The following MEGF11 variants were observed in gnomAD, a reference collection of about 807,000 sequenced individuals.
The protein encoded by MEGF11 is multiple epidermal growth factor-like domains protein 11.
In MEGF11, 126 loss-of-function variants were observed where a neutral mutation model predicts 146.6. The observed-to-expected ratio is 0.86, with a 90% CI of 0.74 to 1.00. The LOEUF is 1.00. MEGF11 is among the 50% of genes least tolerant of loss of function. The pLI is 0.00. For missense variants in MEGF11, 1,509 were observed against 1,521.2 expected (o/e 0.99, Z 0.13); for synonymous variants, 532 against 583.4 (o/e 0.91, Z 1.27).
chr15:66,014,829 G>A (rs1414522526), intron 5 of MEGF11, among the ~76,000 whole-genome samples: 1 of 152,148 alleles, frequency 6.6e-6, no homozygotes, highest in Non-Finnish European at 1.5e-5. Context: ...GAATTATGAG[G>A]TCAGACAGCC....
In MEGF11 at chr15:65,928,520, G is replaced by T; in HGVS notation, c.1580C>A (p.Thr527Lys). 1.3e-6 allele frequency: 2 copies of T among 1,598,048 alleles called. No individual in the cohort carries two copies. Among genetic ancestry groups the T allele is most frequent in the Non-Finnish European group, 1.7e-6 (2 of 1,169,932 alleles). Residue 527 changes from threonine (T) to lysine (K), a missense_variant, in exon 13 of 26, where the codon ACA (threonine) becomes AAA (lysine). Physicochemically the swap from Thr to Lys is moderately conservative, Grantham distance 78 (BLOSUM62 -1). Transcript: ENST00000395614. ...DTCELPCPDG[T>K]FGLNCSEHCD... ...GTGTTCACTGCAGTTCAGCCCAAAT[G>T]TGCCATCCTGTGGAGAAGACAGGGA...
At chr15:66,015,263 G>A (rs1299387088) in intron 5 of MEGF11, among the ~76,000 whole-genome samples, 1 of 152,186 alleles carries the variant, frequency 6.6e-6, no homozygotes, top group South Asian at 2.1e-4. Flanking sequence ...ACTGGAATGA[G>A]CTTAGAGGTT....
chr15:66,153,182 C>T (rs912875704), intron 1 of MEGF11, among the ~76,000 whole-genome samples: 2 of 152,258 alleles, frequency 1.3e-5, no homozygotes, highest in African/African-American at 2.4e-5. Context: ...TAACAGAGCT[C>T]ACTTGGAGCC....
chr15:65,982,368 C>T lies in MEGF11; in HGVS notation c.515G>A (p.Cys172Tyr), dbSNP rs1433439080. ...GGTGCCAGGTGCGCAGAGCTCCTCG[C>T]AGCGCCATCCACGGAAGCCGGCGGC... ...VCAAGFRGWRCEELCAPGTHG... is the reference protein window; with the variant it reads ...VCAAGFRGWRYEELCAPGTHG... The change falls in exon 6 of 26, where the codon TGC becomes TAC. Residue 172 changes from cysteine to tyrosine, a missense_variant. Cys to Tyr is a radical substitution (Grantham distance 194). Transcript: ENST00000395614. This position sits in a 1 kb window ranked among gnomAD's most constrained non-coding sequence, Gnocchi z 5.6. 38 of 1,533,850 alleles carry T rather than the reference C, an allele frequency of 2.5e-5. No individual in the cohort carries two copies. Among genetic ancestry groups the T allele is most frequent in the Admixed American group, 9.9e-5 (5 of 50,642 alleles).
intron 16 of MEGF11, 130 bp downstream of exon 16, chr15:65,917,836 C>T (rs2079051261): frequency 1.9e-6 from 2 of 1,036,556 alleles, no homozygotes; most frequent in African/African-American, 1.6e-5. Context: ...AAATGGGGCT[C>T]ATTCCTACAT....
intron 21 of MEGF11, chr15:65,910,091 A>T: frequency 5.1e-6 from 3 of 583,032 alleles, no homozygotes; most frequent in Non-Finnish European, 6.5e-6. Context: ...CAGAGGAAGC[A>T]GATTAGCTGG....
intron 4 of MEGF11, among the ~76,000 whole-genome samples, chr15:66,097,264 G>A (rs934209839): frequency 7.2e-5 from 11 of 152,234 alleles, no homozygotes; most frequent in African/African-American, 2.7e-4. Context: ...ACCTGGTGGG[G>A]AGGGGCTGGG....
At chr15:66,082,056 A>T (rs1486249359) in intron 5 of MEGF11, among the ~76,000 whole-genome samples, 1 of 152,130 alleles carries the variant, frequency 6.6e-6, no homozygotes, top group Non-Finnish European at 1.5e-5. Flanking sequence ...TGTGAGAAAC[A>T]CTTTTCCGTG....
chr15:66,080,140 C>A (rs957058480), intron 5 of MEGF11, among the ~76,000 whole-genome samples: 1 of 152,286 alleles, frequency 6.6e-6, no homozygotes, highest in Non-Finnish European at 1.5e-5. Context: ...TCCTCCCCTG[C>A]GGCCCACAGC....
At chr15:66,164,577 A>G (rs1005571613) in intron 1 of MEGF11, among the ~76,000 whole-genome samples, 1 of 152,148 alleles carries the variant, frequency 6.6e-6, no homozygotes, top group African/African-American at 2.4e-5. Context: ...CTTTCTCACC[A>G]GGTCTGGCAT....
chr15:65,930,312 C>T (rs2079528755), intron 11 of MEGF11, among the ~76,000 whole-genome samples: 1 of 152,204 alleles, frequency 6.6e-6, no homozygotes, highest in Non-Finnish European at 1.5e-5. Flanking sequence ...CTGCAGGCTG[C>T]ACATCCCAGG....
intron 1 of MEGF11, among the ~76,000 whole-genome samples, chr15:66,218,064 T>G (rs1004593569): frequency 1.3e-5 from 2 of 152,210 alleles, no homozygotes; most frequent in Non-Finnish European, 2.9e-5. Flanking sequence ...TTACAGGATT[T>G]ATTGGGAGCC....
rs200407543 is a variant in MEGF11, at chr15:66,183,538, AAAG to A, written c.-8-55130_-8-55128del. 7.2e-4 allele frequency among the ~76,000 whole-genome samples: 98 copies of A among 135,406 alleles called. 2 individuals carry two copies. Among genetic ancestry groups the A allele is most frequent in the Admixed American group, 1.6e-3 (21 of 13,222 alleles). The allele number at this position is 135,406 out of a possible 152,430, so 88.8% of individuals were successfully genotyped here. ...CGTGCCACCCACACCCCCCTGCCAA[AAAG>A]AAAAAAAAAAAAAAGAAAACGGATG... is the stretch of plus-strand genomic sequence containing the variant. On this transcript the variant is annotated intron_variant, in intron 1 of 25. Coordinates refer to ENST00000395614, the MANE Select transcript of MEGF11 (RefSeq NM_001385028.1).
intron 5 of MEGF11, among the ~76,000 whole-genome samples, chr15:65,984,759 CTTATTTAT>C (rs34021202): frequency 1.1e-3 from 161 of 151,520 alleles, no homozygotes; most frequent in Middle Eastern, 3.4e-3. Context: ...CCACATTTTA[CTTATTTAT>C]TTATTTATTT....
chr15:66,028,915 C>T (rs2083426026), intron 5 of MEGF11, among the ~76,000 whole-genome samples: 1 of 152,044 alleles, frequency 6.6e-6, no homozygotes, highest in Admixed American at 6.5e-5. Context: ...TGTTTTTAAA[C>T]ATTTCCTGTA....
intron 5 of MEGF11, among the ~76,000 whole-genome samples, chr15:66,023,140 C>A (rs372226145): frequency 6.1e-3 from 748 of 123,460 alleles, no homozygotes; most frequent in Non-Finnish European, 7.2e-3. Flanking sequence ...GACTCCATCT[C>A]AAAAAAAAAA....
chr15:66,019,215 C>T (rs2083008906), intron 5 of MEGF11, among the ~76,000 whole-genome samples: 2 of 152,250 alleles, frequency 1.3e-5, no homozygotes, highest in Non-Finnish European at 2.9e-5. Context: ...CTTCTGGGCC[C>T]TCAGTCCTCC....
chr15:65,944,920 A>G (rs1162241897), intron 10 of MEGF11, among the ~76,000 whole-genome samples: 1 of 137,338 alleles, frequency 7.3e-6, no homozygotes, highest in African/African-American at 2.8e-5. Flanking sequence ...TTTTTTTGAG[A>G]TGGAGTCTCA....
chr15:66,037,572 C>T (rs538020434), intron 5 of MEGF11, among the ~76,000 whole-genome samples: 2 of 152,238 alleles, frequency 1.3e-5, no homozygotes, highest in East Asian at 1.9e-4. Context: ...GCTCTTATAA[C>T]GTGGAAATTC....
Sources: gnomAD v4.1 joint callset for allele counts (sites outside exome capture counted in the v4.1 genomes callset) on GRCh38, gnomAD v4.1.1 for gene constraint, Gnocchi (gnomAD v3.1) non-coding constraint, MANE v1.5 for transcripts, NCBI Gene and HGNC (gene_info 2026-07-23, HGNC 2026-07-21) for gene names.